The following DLC1 variants were observed in gnomAD, a reference collection of about 807,000 sequenced individuals.
DLC1 encodes the protein rho GTPase-activating protein 7.
In DLC1, 54 loss-of-function variants were observed where a neutral mutation model predicts 140.3. The ratio of observed to expected loss-of-function variants is 0.38; its 90% confidence interval spans 0.31 to 0.48. The LOEUF (loss-of-function observed/expected upper bound fraction) is 0.48, where lower values mean the gene tolerates loss of function less well. Among genes scored for constraint, DLC1 ranks in the 20% least tolerant of loss-of-function variants. The pLI is 0.96. For missense variants in DLC1, 2,536 were observed against 1,907.0 expected (o/e 1.33, Z -6.14); for synonymous variants, 986 against 728.1 (o/e 1.35, Z -5.70).
intron 2 of DLC1, among the ~76,000 whole-genome samples, chr8:13,467,957 T>C (rs376772088): frequency 6.6e-6 from 1 of 152,212 alleles, no homozygotes; most frequent in East Asian, 1.9e-4. Flanking sequence ...TGAATCTGTT[T>C]AATATTTTGT....
intron 2 of DLC1, among the ~76,000 whole-genome samples, chr8:13,410,400 C>G (rs73553453): frequency 0.048 from 7,361 of 152,054 alleles, 370 homozygotes; most frequent in African/African-American, 0.13. Flanking sequence ...ACAACAACAA[C>G]AAAACAGAGA....
intron 2 of DLC1, among the ~76,000 whole-genome samples, chr8:13,432,223 C>G (rs1838911943): frequency 6.6e-6 from 1 of 152,124 alleles, no homozygotes; most frequent in Admixed American, 6.5e-5. Flanking sequence ...TGAGACCTAA[C>G]TATAGGCAAC....
intron 1 of DLC1, among the ~76,000 whole-genome samples, chr8:13,590,867 A>G (rs897280624): frequency 1.3e-5 from 2 of 152,164 alleles, no homozygotes; most frequent in African/African-American, 4.8e-5. Context: ...AAGCACAAAT[A>G]CAAATATGTT....
intron 4 of DLC1, among the ~76,000 whole-genome samples, chr8:13,369,692 A>T (rs1485541451): frequency 6.6e-6 from 1 of 152,022 alleles, no homozygotes; most frequent in Non-Finnish European, 1.5e-5. Flanking sequence ...CACTGCTGCT[A>T]GCTACTTCCT....
intron 1 of DLC1, among the ~76,000 whole-genome samples, chr8:13,547,475 C>G (rs1188021898): frequency 6.6e-6 from 1 of 152,028 alleles, no homozygotes; most frequent in Non-Finnish European, 1.5e-5. Flanking sequence ...CCAGAAATGT[C>G]ACTGTCTTAA....
chr8:13,433,980 C>G (rs543099553), intron 2 of DLC1, among the ~76,000 whole-genome samples: 1 of 152,144 alleles, frequency 6.6e-6, no homozygotes, highest in South Asian at 2.1e-4. Context: ...CTCAGCCTCC[C>G]GAGCAGCTGC....
At chr8:13,154,505 G>A (rs1447975553) in intron 5 of DLC1, among the ~76,000 whole-genome samples, 3 of 152,200 alleles carry the variant, frequency 2.0e-5, no homozygotes, top group Non-Finnish European at 4.4e-5. Context: ...GGGGCCTGCC[G>A]AGCCCGAGCC....
At chr8:13,164,930 G>T (rs1824991034) in intron 5 of DLC1, among the ~76,000 whole-genome samples, 1 of 152,172 alleles carries the variant, frequency 6.6e-6, no homozygotes, top group African/African-American at 2.4e-5. Flanking sequence ...TTTTCTGGAG[G>T]CTTTTGCTGC....
intron 5 of DLC1, among the ~76,000 whole-genome samples, chr8:13,258,764 T>A (rs1830360638): frequency 6.6e-6 from 1 of 152,008 alleles, no homozygotes. Context: ...TGTACGGGGG[T>A]CTGTTATTTC....
intron 2 of DLC1, among the ~76,000 whole-genome samples, chr8:13,469,499 T>G (rs1168635499): frequency 6.6e-6 from 1 of 152,158 alleles, no homozygotes; most frequent in African/African-American, 2.4e-5. Flanking sequence ...AGTTTCTACA[T>G]TGTGGCCATT....
intron 2 of DLC1, among the ~76,000 whole-genome samples, chr8:13,454,401 A>G (rs1431670994): frequency 1.3e-5 from 2 of 152,216 alleles, no homozygotes; most frequent in East Asian, 3.8e-4. Context: ...CACAAAGTAC[A>G]TTATTTTCTT....
intron 4 of DLC1, among the ~76,000 whole-genome samples, chr8:13,368,317 C>T (rs1268283860): frequency 6.6e-6 from 1 of 152,092 alleles, no homozygotes; most frequent in African/African-American, 2.4e-5. Flanking sequence ...CCTTTCTTCC[C>T]TTCCCCCGCT....
chr8:13,415,890 C>G (rs1838032921), intron 2 of DLC1, among the ~76,000 whole-genome samples: 1 of 152,072 alleles, frequency 6.6e-6, no homozygotes, highest in Non-Finnish European at 1.5e-5. Context: ...AATTTCACCC[C>G]AAGAAGTCCA....
Position 13,453,387 on chromosome 8 carries a change from G to GATAT in DLC1, c.1023+45658_1023+45661dup, listed in dbSNP as rs375440831. On this transcript the variant is annotated intron_variant, in intron 2 of 17. Transcript: ENST00000276297. ...TTACTAAAAGAATAAGATGGCCCAG[G>GATAT]ATATATATATATATGTGTATATATA... Among the ~76,000 whole-genome samples, 36 of 52,444 alleles carry GATAT rather than the reference G, an allele frequency of 6.9e-4. 1 individual carries two copies. Among genetic ancestry groups the GATAT allele is most frequent in the Non-Finnish European group, 1.1e-3 (33 of 29,784 alleles). The allele number at this position is 52,444 out of a possible 152,430, so 34.4% of individuals were successfully genotyped here.
At chr8:13,322,431 G>A (rs1833161206) in intron 4 of DLC1, among the ~76,000 whole-genome samples, 1 of 152,020 alleles carries the variant, frequency 6.6e-6, no homozygotes, top group Non-Finnish European at 1.5e-5. Flanking sequence ...TATTTTGTTG[G>A]ACACAAATTA....
chr8:13,466,186 A>T (rs576854844), intron 2 of DLC1, among the ~76,000 whole-genome samples: 2 of 152,226 alleles, frequency 1.3e-5, no homozygotes, highest in Non-Finnish European at 1.5e-5. Context: ...CTGCTTAGGT[A>T]ACACCCCGGG....
chr8:13,239,291 G>C (rs934366903), intron 5 of DLC1, among the ~76,000 whole-genome samples: 1 of 152,014 alleles, frequency 6.6e-6, no homozygotes, highest in African/African-American at 2.4e-5. Flanking sequence ...AGGGAAGAGC[G>C]GGGCAAATAA....
chr8:13,401,438 A>G (rs1837291441), intron 3 of DLC1, 32 bp downstream of exon 3: 5 of 1,609,160 alleles, frequency 3.1e-6, no homozygotes, highest in South Asian at 1.1e-5. Context: ...TACGACTCCT[A>G]TGGGAAAAGA....
Position 13,177,473 on chromosome 8 carries a change from G to A in DLC1, c.1349-61816C>T, listed in dbSNP as rs770683284. Among the ~76,000 whole-genome samples, 3 of 152,232 alleles carry A rather than the reference G, an allele frequency of 2.0e-5. No individual in the cohort carries two copies. In the East Asian group the frequency reaches 5.8e-4, roughly 29 times the overall value. On this transcript the variant is annotated intron_variant, in intron 5 of 17. Coordinates refer to ENST00000276297, the MANE Select transcript of DLC1 (RefSeq NM_182643.3). ...CACTTCTCAGCAAACTGAGTGTATT[G>A]TTTATAGAATTTCACAAGTGCATAG...
Sources: allele counts gnomAD v4.1 joint callset (sites outside exome capture counted in the v4.1 genomes callset), GRCh38; gene constraint gnomAD v4.1.1; transcripts MANE v1.5; gene names NCBI Gene and HGNC (gene_info 2026-07-23, HGNC 2026-07-21).